Variants in SCEL observed in about 807,000 individuals in gnomAD.
SCEL encodes the protein sciellin.
A neutral mutation model predicts 117.6 loss-of-function variants in SCEL; 113 were observed. The observed-to-expected ratio is 0.96, with a 90% CI of 0.83 to 1.12. The LOEUF (loss-of-function observed/expected upper bound fraction) is 1.12, where lower values mean the gene tolerates loss of function less well. Ranked by LOEUF, SCEL falls within the 50% of genes most tolerant of loss-of-function variation. The pLI, the probability that SCEL is intolerant of heterozygous loss-of-function variation, is 0.00. For missense variants in SCEL, 785 were observed against 810.8 expected (o/e 0.97, Z 0.39); for synonymous variants, 270 against 256.2 (o/e 1.05, Z -0.51).
chr13:77,576,349 C>T (rs1353016222), intron 9 of SCEL, among the ~76,000 whole-genome samples: 1 of 152,026 alleles, frequency 6.6e-6, no homozygotes, highest in Admixed American at 6.6e-5. Flanking sequence ...CTTTCTTTTT[C>T]GATTTCTCAG....
intron 9 of SCEL, among the ~76,000 whole-genome samples, chr13:77,580,971 T>G (rs1009639650): frequency 1.3e-5 from 2 of 152,122 alleles, no homozygotes; most frequent in African/African-American, 4.8e-5. Context: ...CATGGCAACC[T>G]TGCACTACAG....
intron 27 of SCEL, among the ~76,000 whole-genome samples, chr13:77,619,452 C>A (rs1030624129): frequency 1.3e-5 from 2 of 152,130 alleles, no homozygotes; most frequent in Non-Finnish European, 2.9e-5. Flanking sequence ...GATGTCATTA[C>A]CTAGAGGAAA....
At chr13:77,628,810 C>T (rs2089895985) in intron 28 of SCEL, among the ~76,000 whole-genome samples, 1 of 152,056 alleles carries the variant, frequency 6.6e-6, no homozygotes, top group Non-Finnish European at 1.5e-5. Context: ...CTAAAAGGTT[C>T]CTGAATCCGA....
At chr13:77,644,221 T>C (rs769432376) in intron 32 of SCEL, 37 bp from the exon 33 acceptor site, 10 of 1,611,722 alleles carry the variant, frequency 6.2e-6, no homozygotes, top group Non-Finnish European at 8.5e-6. Context: ...CTTGTTTCTG[T>C]ACTGAATTTG....
At chr13:77,586,232 C>G (rs1341108516) in intron 9 of SCEL, among the ~76,000 whole-genome samples, 1 of 152,124 alleles carries the variant, frequency 6.6e-6, no homozygotes, top group Admixed American at 6.6e-5. Context: ...ACCTTTGTGA[C>G]CTTCTCCCCG....
chr13:77,586,107 T>C (rs552192079), intron 9 of SCEL, among the ~76,000 whole-genome samples: 1 of 152,222 alleles, frequency 6.6e-6, no homozygotes, highest in Non-Finnish European at 1.5e-5. Flanking sequence ...ACACTCACAC[T>C]CATTCTTTGA....
chr13:77,553,117 C>T (rs373077271), intron 1 of SCEL, among the ~76,000 whole-genome samples: 5 of 152,230 alleles, frequency 3.3e-5, no homozygotes, highest in African/African-American at 1.2e-4. Flanking sequence ...GAGATACTAG[C>T]GGTGGAAACT....
chr13:77,620,923 T>C (rs1198090140), intron 27 of SCEL, among the ~76,000 whole-genome samples: 1 of 152,218 alleles, frequency 6.6e-6, no homozygotes, highest in South Asian at 2.1e-4. Flanking sequence ...CCTAACTATC[T>C]ATTGCATATT....
chr13:77,563,797 A>AT (rs58662011), intron 4 of SCEL, 34 bp from the exon 5 acceptor site: 273,031 of 1,144,396 alleles, frequency 0.24, 3,847 homozygotes, highest in Non-Finnish European at 0.25. Flanking sequence ...AATTGATTTG[A>AT]TTTTTTTTTT....
intron 9 of SCEL, among the ~76,000 whole-genome samples, chr13:77,579,683 G>A (rs1373937299): frequency 6.6e-6 from 1 of 152,220 alleles, no homozygotes; most frequent in Admixed American, 6.5e-5. Flanking sequence ...AAACACAAAG[G>A]TCAAGGTAGA....
chr13:77,569,413 A>G lies in SCEL; in HGVS notation c.441A>G (p.Ile147Met). 6.2e-7 allele frequency: 1 copy of G among 1,613,946 alleles called. No individual in the cohort carries two copies. Among genetic ancestry groups the G allele is most frequent in the South Asian group, 1.1e-5 (1 of 91,074 alleles). The change falls in exon 8 of 33, where the codon ATA becomes ATG. Residue 147 changes from isoleucine to methionine, a missense_variant. Transcript: ENST00000349847. ...TGAATGCCAACACCTCCAACACCATAGCATCCACTTCTGCTACTACTCCTG... is the reference window on the plus strand; with the variant it reads ...TGAATGCCAACACCTCCAACACCATGGCATCCACTTCTGCTACTACTCCTG... ...GSLNANTSNT[I>M]ASTSATTPVK...
chr13:77,586,049 C>A (rs749130704), intron 9 of SCEL, among the ~76,000 whole-genome samples: 4 of 152,144 alleles, frequency 2.6e-5, no homozygotes, highest in African/African-American at 9.7e-5. Context: ...TGAAGCCATG[C>A]CCTTGTGAGC....
At chr13:77,602,171 CT>C in intron 16 of SCEL, 47 bp downstream of exon 16, 1 of 1,485,472 alleles carries the variant, frequency 6.7e-7, no homozygotes, top group East Asian at 2.3e-5. Flanking sequence ...TTCAGGTTAG[CT>C]TTTTTACCTC....
intron 13 of SCEL, among the ~76,000 whole-genome samples, chr13:77,598,796 C>T (rs2087431238): frequency 6.6e-6 from 1 of 152,208 alleles, no homozygotes; most frequent in Admixed American, 6.5e-5. Context: ...AATCTTCCCA[C>T]CTCAACCTCC....
chr13:77,548,260 G>A (rs1320154650), intron 1 of SCEL, among the ~76,000 whole-genome samples: 1 of 152,236 alleles, frequency 6.6e-6, no homozygotes, highest in Non-Finnish European at 1.5e-5. Flanking sequence ...TAGCTAATGA[G>A]TGACGAAGCT....
chr13:77,547,008 G>A (rs1405805366), intron 1 of SCEL, among the ~76,000 whole-genome samples: 2 of 152,170 alleles, frequency 1.3e-5, no homozygotes, highest in East Asian at 3.8e-4. Context: ...AACTACAAAT[G>A]TGTCACTGCT....
intron 12 of SCEL, among the ~76,000 whole-genome samples, chr13:77,595,263 A>G (rs2087153678): frequency 6.6e-6 from 1 of 152,184 alleles, no homozygotes; most frequent in Non-Finnish European, 1.5e-5. Flanking sequence ...AAAAATGTTC[A>G]TGGTAGTCAT....
At chr13:77,584,020 C>T (rs1448972885) in intron 9 of SCEL, among the ~76,000 whole-genome samples, 2 of 152,184 alleles carry the variant, frequency 1.3e-5, no homozygotes, top group African/African-American at 4.8e-5. Flanking sequence ...ATCATGATAG[C>T]CACTAGTGTG....
chr13:77,539,371 C>A (rs1304472494), intron 1 of SCEL, among the ~76,000 whole-genome samples: 1 of 151,482 alleles, frequency 6.6e-6, no homozygotes, highest in Non-Finnish European at 1.5e-5. Flanking sequence ...GAAAAAATCT[C>A]TACAAGAAAA....
Sources: gnomAD v4.1 joint callset for allele counts (sites outside exome capture counted in the v4.1 genomes callset) on GRCh38, gnomAD v4.1.1 for gene constraint, MANE v1.5 for transcripts, NCBI Gene and HGNC (gene_info 2026-07-23, HGNC 2026-07-21) for gene names.